Variants in GRIN2B observed in about 807,000 individuals in gnomAD.
The protein encoded by GRIN2B is glutamate ionotropic receptor NMDA type subunit 2B.
Under a neutral mutation model 114.5 loss-of-function variants are expected in GRIN2B, and 5 were observed. The ratio of observed to expected loss-of-function variants is 0.04; its 90% CI spans 0.02 to 0.09. The LOEUF is 0.09. Among genes scored for constraint, GRIN2B ranks in the 10% least tolerant of loss-of-function variants. The probability of loss-of-function intolerance (pLI) is 1.00; values close to 1 mark genes in which losing one functional copy is unlikely to be tolerated. For synonymous variants in GRIN2B, 787 were observed against 745.1 expected, an observed-to-expected ratio of 1.06 and a Z score of -0.92; for missense variants, 1,108 against 1,943.5, an observed-to-expected ratio of 0.57 and a Z score of 8.08.
intron 4 of GRIN2B, among the ~76,000 whole-genome samples, chr12:13,710,473 G>C (rs1423890740): frequency 6.6e-6 from 1 of 152,114 alleles, no homozygotes; most frequent in Non-Finnish European, 1.5e-5. Context: ...TGTATGTCTA[G>C]AAAACCCCAT....
intron 3 of GRIN2B, among the ~76,000 whole-genome samples, chr12:13,847,152 T>A (rs1379448973): frequency 6.6e-6 from 1 of 152,180 alleles, no homozygotes; most frequent in Non-Finnish European, 1.5e-5. Context: ...CTTTTTCAAT[T>A]TTTAAAATTA....
At chr12:13,975,571 A>T (rs553140418) in intron 2 of GRIN2B, among the ~76,000 whole-genome samples, 3 of 152,316 alleles carry the variant, frequency 2.0e-5, no homozygotes, top group Admixed American at 1.3e-4. Flanking sequence ...CTCATCTAAC[A>T]ACAAAATTTT....
intron 1 of GRIN2B, among the ~76,000 whole-genome samples, chr12:13,980,896 GCGCGCACACACGCCCCCGA>G (rs1366836390): frequency 6.6e-6 from 1 of 152,062 alleles, no homozygotes; most frequent in African/African-American, 2.4e-5. Context: ...GCACACTGAC[GCGCGCACACACGCCCCCGA>G]CGCGCACGCG....
intron 4 of GRIN2B, among the ~76,000 whole-genome samples, chr12:13,691,576 C>T (rs752657256): frequency 1.6e-4 from 25 of 152,106 alleles, no homozygotes; most frequent in Non-Finnish European, 2.9e-4. Context: ...TACCAGGTTG[C>T]TTTGATTATA....
intron 2 of GRIN2B, among the ~76,000 whole-genome samples, chr12:13,938,975 A>G (rs899644862): frequency 3.9e-5 from 6 of 152,202 alleles, no homozygotes; most frequent in African/African-American, 1.4e-4. Flanking sequence ...ACTTCAACTT[A>G]CGCTCATTCA....
Position 13,825,510 on chromosome 12 carries a change from G to T in GRIN2B, c.411+40288C>A, listed in dbSNP as rs1399158369. 2.7e-3 allele frequency among the ~76,000 whole-genome samples: 386 copies of T among 140,468 alleles called. 5 individuals carry two copies. Among genetic ancestry groups the T allele is most frequent in the Middle Eastern group, 0.015 (4 of 268 alleles). The allele number at this position is 140,468 out of a possible 152,430, so 92.2% of individuals were successfully genotyped here. On this transcript the variant is annotated intron_variant, in intron 3 of 13. Coordinates refer to ENST00000609686, the MANE Select transcript of GRIN2B (RefSeq NM_000834.5). ...ATATATATATTTTGTGTGTGTGTGT[G>T]TGTGTGTGTGTGTGTGTGTGTGTAT...
At chr12:13,701,936 C>T (rs1007345402) in intron 4 of GRIN2B, among the ~76,000 whole-genome samples, 4 of 152,214 alleles carry the variant, frequency 2.6e-5, no homozygotes, top group African/African-American at 9.6e-5. Flanking sequence ...TATGCAACTC[C>T]TCTACCAAGT....
At chr12:13,871,933 C>T (rs1865916078) in intron 2 of GRIN2B, among the ~76,000 whole-genome samples, 1 of 152,162 alleles carries the variant, frequency 6.6e-6, no homozygotes, top group South Asian at 2.1e-4. Flanking sequence ...GCCCACACCC[C>T]TAATGTGACA....
At chr12:13,721,600 A>C (rs901238319) in intron 4 of GRIN2B, among the ~76,000 whole-genome samples, 1 of 152,068 alleles carries the variant, frequency 6.6e-6, no homozygotes, top group African/African-American at 2.4e-5. Flanking sequence ...AATTTGAAAA[A>C]GGAAAAAAGT....
intron 10 of GRIN2B, among the ~76,000 whole-genome samples, chr12:13,572,514 T>C (rs911689852): frequency 6.6e-6 from 1 of 152,184 alleles, no homozygotes; most frequent in Non-Finnish European, 1.5e-5. Flanking sequence ...TGAAAGCTCA[T>C]ATTTATCCCA....
At chr12:13,583,695 A>G (rs963000265) in intron 10 of GRIN2B, among the ~76,000 whole-genome samples, 1 of 152,162 alleles carries the variant, frequency 6.6e-6, no homozygotes, top group Admixed American at 6.5e-5. Context: ...CAGATTGGCC[A>G]AGTTTATCCA....
chr12:13,880,153 C>G (rs887120972), intron 2 of GRIN2B, among the ~76,000 whole-genome samples: 1 of 152,200 alleles, frequency 6.6e-6, no homozygotes, highest in Non-Finnish European at 1.5e-5. Context: ...CAGGGACTGC[C>G]CTGGCCTTGG....
intron 4 of GRIN2B, among the ~76,000 whole-genome samples, chr12:13,694,128 A>G (rs1950237949): frequency 1.3e-5 from 2 of 152,184 alleles, no homozygotes; most frequent in South Asian, 4.1e-4. Context: ...CTGTCCATGC[A>G]CAGAAGTACT....
At chr12:13,866,808 A>G (rs114197148) in intron 2 of GRIN2B, among the ~76,000 whole-genome samples, 1,896 of 152,306 alleles carry the variant, frequency 0.012, 40 homozygotes, top group African/African-American at 0.043. Flanking sequence ...AACTACAAGA[A>G]CAACTGATAC....
At chr12:13,916,737 T>TGCG (rs1555156758) in intron 2 of GRIN2B, among the ~76,000 whole-genome samples, 1 of 139,900 alleles carries the variant, frequency 7.1e-6, no homozygotes, top group Non-Finnish European at 1.5e-5. Flanking sequence ...ACACACACAT[T>TGCG]TGTGTGTGTG....
rs1234484334 is a variant in GRIN2B, at chr12:13,794,090, G to T, written c.412-40175C>A. On this transcript the variant is annotated intron_variant, in intron 3 of 13. Coordinates refer to ENST00000609686, the MANE Select transcript of GRIN2B (RefSeq NM_000834.5). ...AAAAATTATCCAGGTGTCGTAACAT[G>T]TGCCTGTGGGAGGCTGAGACAGGAG... 2.0e-5 allele frequency among the ~76,000 whole-genome samples: 3 copies of T among 147,104 alleles called. No individual in the cohort carries two copies. In the East Asian group the frequency reaches 5.9e-4, roughly 29 times the overall value.
At chr12:13,621,158 G>A (rs890050414) in intron 5 of GRIN2B, among the ~76,000 whole-genome samples, 2 of 152,158 alleles carry the variant, frequency 1.3e-5, no homozygotes, top group Admixed American at 6.5e-5. Flanking sequence ...GGGGGAGAAA[G>A]TATGGTGAAA....
chr12:13,795,569 G>A (rs139467646), intron 3 of GRIN2B, among the ~76,000 whole-genome samples: 14 of 152,264 alleles, frequency 9.2e-5, no homozygotes, highest in African/African-American at 1.4e-4. Flanking sequence ...TTGACCCAGC[G>A]ATCCCATTAC....
intron 3 of GRIN2B, 103 bp downstream of exon 3, chr12:13,865,695 G>T: frequency 3.1e-6 from 3 of 955,638 alleles, no homozygotes; most frequent in Non-Finnish European, 5.1e-6. Context: ...AATGCAATCT[G>T]GTTACCTTCC....
Sources: allele counts gnomAD v4.1 joint callset (sites outside exome capture counted in the v4.1 genomes callset), GRCh38; gene constraint gnomAD v4.1.1; transcripts MANE v1.5; gene names NCBI Gene and HGNC (gene_info 2026-07-23, HGNC 2026-07-21).